PDZRN3: variants seen among roughly 807,000 people sequenced by gnomAD.
The protein encoded by PDZRN3 is E3 ubiquitin-protein ligase PDZRN3.
Under a neutral mutation model 85.7 loss-of-function variants are expected in PDZRN3, and 38 were observed. The observed-to-expected ratio is 0.44, with a 90% confidence interval of 0.34 to 0.58. The LOEUF (loss-of-function observed/expected upper bound fraction) is 0.58, where lower values mean the gene tolerates loss of function less well. Among genes scored for constraint, PDZRN3 ranks in the 20% least tolerant of loss-of-function variants. The pLI is 0.01. For missense variants in PDZRN3, 1,629 were observed against 1,506.4 expected, an observed-to-expected ratio of 1.08 and a Z score of -1.35; for synonymous variants, 759 against 638.0, an observed-to-expected ratio of 1.19 and a Z score of -2.86.
chr3:73,398,318 A>G (rs1701681302), intron 5 of PDZRN3, among the ~76,000 whole-genome samples: 1 of 152,212 alleles, frequency 6.6e-6, no homozygotes, highest in Non-Finnish European at 1.5e-5. Flanking sequence ...GAAAGGCACC[A>G]CAAAAGCCTC....
chr3:73,596,473 G>C (rs1360564082), intron 3 of PDZRN3, among the ~76,000 whole-genome samples: 1 of 152,112 alleles, frequency 6.6e-6, no homozygotes, highest in Admixed American at 6.5e-5. Flanking sequence ...AGAAGAAAAT[G>C]GTAACTTTAT....
At chr3:73,526,818 G>C (rs994778010) in intron 3 of PDZRN3, among the ~76,000 whole-genome samples, 1 of 152,078 alleles carries the variant, frequency 6.6e-6, no homozygotes, top group African/African-American at 2.4e-5. Context: ...CTCCCAAGTA[G>C]CTGGGACTAT....
At chr3:73,560,142 T>C (rs530501926) in intron 3 of PDZRN3, among the ~76,000 whole-genome samples, 11 of 152,232 alleles carry the variant, frequency 7.2e-5, no homozygotes, top group South Asian at 4.1e-4. Flanking sequence ...CCAATAAGGC[T>C]TGAAATCTTT....
At chr3:73,405,697 T>A (rs2106732600) in intron 3 of PDZRN3, among the ~76,000 whole-genome samples, 1 of 152,328 alleles carries the variant, frequency 6.6e-6, no homozygotes, top group East Asian at 1.9e-4. Context: ...GCAATGTGCA[T>A]GTTTTTAGCA....
chr3:73,494,397 T>C (rs1703829853), intron 3 of PDZRN3, among the ~76,000 whole-genome samples: 1 of 152,226 alleles, frequency 6.6e-6, no homozygotes, highest in Non-Finnish European at 1.5e-5. Flanking sequence ...TGGTTAACTG[T>C]AAAGCTCAAG....
chr3:73,403,702 C>T (rs1388176805), intron 4 of PDZRN3, among the ~76,000 whole-genome samples: 1 of 152,094 alleles, frequency 6.6e-6, no homozygotes, highest in Non-Finnish European at 1.5e-5. Flanking sequence ...GAGGCATGTG[C>T]GGGCTTATTA....
intron 3 of PDZRN3, among the ~76,000 whole-genome samples, chr3:73,585,389 T>C (rs762592291): frequency 6.6e-6 from 1 of 152,200 alleles, no homozygotes; most frequent in Non-Finnish European, 1.5e-5. Context: ...AATGAACATT[T>C]TGGCAGATAG....
chr3:73,404,469 T>G (rs1414049146), intron 3 of PDZRN3, 74 bp from the exon 4 acceptor site: 2 of 1,438,918 alleles, frequency 1.4e-6, no homozygotes, highest in Non-Finnish European at 1.9e-6. Context: ...ATGAATTGCC[T>G]GCTTTCATGT....
intron 3 of PDZRN3, among the ~76,000 whole-genome samples, chr3:73,574,314 C>T (rs1365412232): frequency 3.9e-5 from 6 of 152,212 alleles, no homozygotes; most frequent in African/African-American, 1.4e-4. Context: ...TAAAACCAAA[C>T]TGAGTACTTG....
intron 3 of PDZRN3, among the ~76,000 whole-genome samples, chr3:73,518,738 C>G (rs910605556): frequency 6.6e-6 from 1 of 152,044 alleles, no homozygotes; most frequent in East Asian, 1.9e-4. Context: ...TGTTGCCTTC[C>G]GTCTTCACAT....
Position 73,383,905 on chromosome 3 carries a change from G to C in PDZRN3, c.2661C>G (p.Ile887Met), listed in dbSNP as rs777583787. 2.5e-6 allele frequency: 4 copies of C among 1,612,386 alleles called. No individual in the cohort carries two copies. Among genetic ancestry groups the C allele is most frequent in the Non-Finnish European group, 3.4e-6 (4 of 1,179,450 alleles). Residue 887 changes from isoleucine (I) to methionine (M), a missense_variant, in exon 10 of 10, where the codon ATC becomes ATG. Ile to Met is a conservative substitution (Grantham distance 10). Transcript: ENST00000263666. ...AQHYQSYMQL[I>M]QQKSAVEYAQ... ...CGTACTCCACGGCCGACTTCTGCTG[G>C]ATCAGCTGCATGTAGCTCTGGTAGT...
chr3:73,443,501 G>GGGC (rs1441034964), intron 3 of PDZRN3, among the ~76,000 whole-genome samples: 3 of 127,806 alleles, frequency 2.3e-5, no homozygotes, highest in African/African-American at 8.0e-5. Flanking sequence ...TTTTTTTTGG[G>GGGC]GGGGGGACAG....
intron 3 of PDZRN3, among the ~76,000 whole-genome samples, chr3:73,488,360 T>C (rs139762322): frequency 3.3e-5 from 5 of 152,322 alleles, no homozygotes; most frequent in African/African-American, 9.6e-5. Context: ...CTATCTCCCA[T>C]GGTACTCTCC....
At chr3:73,443,135 T>A (rs1381066986) in intron 3 of PDZRN3, among the ~76,000 whole-genome samples, 1 of 152,164 alleles carries the variant, frequency 6.6e-6, no homozygotes, top group East Asian at 1.9e-4. Context: ...CCTCATACCT[T>A]CCACCTATTC....
At chr3:73,589,238 G>T (rs1424452856) in intron 3 of PDZRN3, among the ~76,000 whole-genome samples, 1 of 152,064 alleles carries the variant, frequency 6.6e-6, no homozygotes, top group East Asian at 1.9e-4. Flanking sequence ...GGAAGAAGCT[G>T]ACTCAGAATG....
intron 3 of PDZRN3, among the ~76,000 whole-genome samples, chr3:73,425,040 A>G: frequency 6.8e-6 from 1 of 146,650 alleles, no homozygotes. Context: ...TTTGAGACGG[A>G]GTCTCGCTCT....
chr3:73,492,591 G>A (rs1703792019), intron 3 of PDZRN3, among the ~76,000 whole-genome samples: 1 of 152,202 alleles, frequency 6.6e-6, no homozygotes, highest in African/African-American at 2.4e-5. Flanking sequence ...GCTTAGAGAA[G>A]GGTGAAAAGA....
intron 3 of PDZRN3, among the ~76,000 whole-genome samples, chr3:73,466,747 T>C (rs1703226415): frequency 6.6e-6 from 1 of 152,202 alleles, no homozygotes; most frequent in Non-Finnish European, 1.5e-5. Context: ...TATTATAATA[T>C]AAATCTTGCT....
rs545518352 is a variant in PDZRN3, at chr3:73,565,074, A to G, written c.918+37280T>C. Among the ~76,000 whole-genome samples, 91 of 151,914 alleles carry G rather than the reference A, an allele frequency of 6.0e-4. 1 individual carries two copies. The South Asian group carries it at 7.5e-3, about 13-fold the overall frequency. On this transcript the variant is annotated intron_variant, in intron 3 of 9. Coordinates refer to ENST00000263666, the MANE Select transcript of PDZRN3 (RefSeq NM_015009.3). ...CATAGCACTATGTAATACTGTATATACCACCCGTTCTCCAGGGCTTTAGGG... is the reference window on the plus strand; with the variant it reads ...CATAGCACTATGTAATACTGTATATGCCACCCGTTCTCCAGGGCTTTAGGG...
Sources: allele counts gnomAD v4.1 joint callset (sites outside exome capture counted in the v4.1 genomes callset), GRCh38; gene constraint gnomAD v4.1.1; transcripts MANE v1.5; gene names NCBI Gene and HGNC (gene_info 2026-07-23, HGNC 2026-07-21).